ATP9B: variants seen among roughly 807,000 people sequenced by gnomAD.
ATP9B encodes the protein probable phospholipid-transporting ATPase IIB.
Under a neutral mutation model 146.1 loss-of-function variants are expected in ATP9B, and 110 were observed. That is an observed-to-expected ratio of 0.75 (90% CI 0.65 to 0.88). The LOEUF (loss-of-function observed/expected upper bound fraction) is 0.88. Among genes scored for constraint, ATP9B ranks in the 40% least tolerant of loss-of-function variants. The pLI, the probability that ATP9B is intolerant of heterozygous loss-of-function variation, is 0.00. For synonymous variants in ATP9B, 604 were observed against 569.7 expected, an observed-to-expected ratio of 1.06 and a Z score of -0.86; for missense variants, 1,499 against 1,496.4, an observed-to-expected ratio of 1.00 and a Z score of -0.03.
chr18:79,186,659 A>G (rs28533176), intron 8 of ATP9B, among the ~76,000 whole-genome samples: 4,343 of 152,288 alleles, frequency 0.029, 229 homozygotes, highest in African/African-American at 0.098. Flanking sequence ...CATAATTCTC[A>G]AGTTACTAGA....
chr18:79,096,587 A>G lies in ATP9B; in HGVS notation c.231A>G (p.Ile77Met). ...ACCACACCTTACCACGAGCCAGGAT[A>G]ATGCAAAGGAAAAGAGGACTGGAGT... ...SDYHTLPRAR[I>M]MQRKRGLEWF... Residue 77 changes from isoleucine (I) to methionine (M), a missense_variant, in exon 2 of 30, where the codon ATA becomes ATG. Coordinates refer to ENST00000426216, the MANE Select transcript of ATP9B (RefSeq NM_198531.5). The G allele has an allele frequency of 2.5e-6, 4 of 1,614,094 alleles. No individual in the cohort carries two copies. Among genetic ancestry groups the G allele is most frequent in the Non-Finnish European group, 3.4e-6 (4 of 1,179,984 alleles).
intron 7 of ATP9B, among the ~76,000 whole-genome samples, chr18:79,176,123 G>C (rs2095165297): frequency 6.6e-6 from 1 of 152,056 alleles, no homozygotes; most frequent in South Asian, 2.1e-4. Context: ...GTTTTATTCA[G>C]CTCGTCCTCT....
intron 11 of ATP9B, among the ~76,000 whole-genome samples, chr18:79,216,781 C>G (rs908575865): frequency 2.6e-5 from 4 of 152,186 alleles, no homozygotes; most frequent in African/African-American, 9.7e-5. Flanking sequence ...GAATATATCT[C>G]ATAATTGAAA....
chr18:79,166,330 C>G lies in ATP9B; in HGVS notation c.779-10483C>G, dbSNP rs1213706984. 2.0e-5 allele frequency among the ~76,000 whole-genome samples: 3 copies of G among 152,164 alleles called. No individual in the cohort carries two copies. The East Asian group carries it at 5.8e-4, about 29-fold the overall frequency. The stretch of plus-strand genomic sequence containing the variant: ...ATGTGCTAGGCGCTCTCAGAAGCAG[C>G]TGCAATGGGACTCGGAGCAAATGTG... On this transcript the variant is annotated intron_variant, in intron 7 of 29. Transcript: ENST00000426216.
intron 7 of ATP9B, among the ~76,000 whole-genome samples, chr18:79,159,244 C>T (rs1424349604): frequency 2.0e-5 from 3 of 152,172 alleles, no homozygotes; most frequent in African/African-American, 7.2e-5. Flanking sequence ...GGAAAATTCA[C>T]ATCCAGCAAA....
At chr18:79,343,526 C>T (rs961265202) in intron 20 of ATP9B, 1 of 152,208 alleles carries the variant, frequency 6.6e-6, no homozygotes, top group African/African-American at 2.4e-5. Flanking sequence ...AAAAATCCCT[C>T]AGACACTGGG....
At chr18:79,362,436 G>A (rs950347490) in intron 26 of ATP9B, 1 of 152,266 alleles carries the variant, frequency 6.6e-6, no homozygotes, top group South Asian at 2.1e-4. Context: ...CTAAAACTGT[G>A]TAGCTTTTAT....
intron 6 of ATP9B, among the ~76,000 whole-genome samples, chr18:79,151,727 GTT>G (rs10707568): frequency 2.0e-3 from 282 of 141,806 alleles, no homozygotes; most frequent in South Asian, 3.9e-3. Context: ...ATGTAGAAGT[GTT>G]TTTTTTTTTT....
chr18:79,305,209 A>G (rs1247400157), intron 14 of ATP9B, among the ~76,000 whole-genome samples: 1 of 152,244 alleles, frequency 6.6e-6, no homozygotes, highest in Non-Finnish European at 1.5e-5. Context: ...ACTAGACTAA[A>G]TGACACTTTC....
intron 13 of ATP9B, among the ~76,000 whole-genome samples, chr18:79,279,686 G>C (rs910529069): frequency 6.6e-6 from 1 of 152,136 alleles, no homozygotes; most frequent in South Asian, 2.1e-4. Flanking sequence ...ACAAAAATAC[G>C]TAAGACCTAA....
intron 10 of ATP9B, among the ~76,000 whole-genome samples, chr18:79,210,503 G>T (rs1423912746): frequency 1.3e-5 from 2 of 152,202 alleles, no homozygotes; most frequent in African/African-American, 4.8e-5. Flanking sequence ...TGTCCTGGCT[G>T]TGTGGACTCT....
At chr18:79,088,413 A>G (rs2074029858) in intron 1 of ATP9B, among the ~76,000 whole-genome samples, 1 of 152,324 alleles carries the variant, frequency 6.6e-6, no homozygotes, top group Non-Finnish European at 1.5e-5. Context: ...TACAGAGAAG[A>G]AAAAAATGAC....
At chr18:79,071,398 C>CTTTTTT (rs747150962) in intron 1 of ATP9B, among the ~76,000 whole-genome samples, 1 of 22,406 alleles carries the variant, frequency 4.5e-5, no homozygotes, top group Non-Finnish European at 8.2e-5. Flanking sequence ...TATTGTTCTT[C>CTTTTTT]CTTTTTTTTT....
intron 25 of ATP9B, among the ~76,000 whole-genome samples, chr18:79,356,354 C>G (rs1221836365): frequency 6.6e-6 from 1 of 151,934 alleles, no homozygotes; most frequent in African/African-American, 2.4e-5. Flanking sequence ...ACCTAGCACT[C>G]ACGCTCCTGG....
At chr18:79,208,742 T>C (rs2095557446) in intron 10 of ATP9B, among the ~76,000 whole-genome samples, 1 of 151,588 alleles carries the variant, frequency 6.6e-6, no homozygotes, top group South Asian at 2.1e-4. Context: ...ATAAATGTTA[T>C]GTGTGTGTGT....
chr18:79,096,848 G>A (rs747673116), intron 2 of ATP9B, among the ~76,000 whole-genome samples, 199 bp downstream of exon 2: 4 of 152,044 alleles, frequency 2.6e-5, no homozygotes, highest in African/African-American at 7.2e-5. Context: ...ATTATCTTAC[G>A]AGAAGTTTTA....
chr18:79,289,639 G>T (rs1159554245), intron 13 of ATP9B, among the ~76,000 whole-genome samples: 2 of 152,220 alleles, frequency 1.3e-5, no homozygotes, highest in Non-Finnish European at 2.9e-5. Context: ...GTCCAGCTTT[G>T]TTCTGTTGCT....
intron 12 of ATP9B, among the ~76,000 whole-genome samples, chr18:79,266,167 T>G (rs2096201783): frequency 6.6e-6 from 1 of 152,188 alleles, no homozygotes; most frequent in Non-Finnish European, 1.5e-5. Flanking sequence ...TTTTTAGGTC[T>G]TCTCTAAAAT....
At chr18:79,241,856 A>AG (rs2095892149) in intron 11 of ATP9B, among the ~76,000 whole-genome samples, 1 of 152,324 alleles carries the variant, frequency 6.6e-6, no homozygotes, top group African/African-American at 2.4e-5. Flanking sequence ...TCCTTGTGGA[A>AG]GGTTGATGGC....
Sources: gnomAD v4.1 joint callset for allele counts (sites outside exome capture counted in the v4.1 genomes callset) on GRCh38, gnomAD v4.1.1 for gene constraint, MANE v1.5 for transcripts, NCBI Gene and HGNC (gene_info 2026-07-23, HGNC 2026-07-21) for gene names.